The following SEC16B variants were observed in gnomAD, a reference collection of about 807,000 sequenced individuals.
SEC16B encodes the protein SEC16 homolog B, endoplasmic reticulum export factor.
In SEC16B, 115 loss-of-function variants were observed where a neutral mutation model predicts 141.8. That is an observed-to-expected ratio of 0.81 (90% confidence interval 0.70 to 0.95). The LOEUF is 0.95. Among genes scored for constraint, SEC16B ranks in the 40% least tolerant of loss-of-function variants. The pLI is 0.00. For synonymous variants in SEC16B, 493 were observed against 492.5 expected (o/e 1.00, Z -0.01); for missense variants, 1,291 against 1,312.3 (o/e 0.98, Z 0.25).
intron 25 of SEC16B, 81 bp from the exon 26 acceptor site, chr1:177,930,010 G>C: frequency 7.2e-7 from 1 of 1,397,634 alleles, no homozygotes; most frequent in East Asian, 2.4e-5. Context: ...GATGGAGCTA[G>C]GGCACCCTGA....
At chr1:177,948,295 G>A in intron 12 of SEC16B, 1 of 1,244,548 alleles carries the variant, frequency 8.0e-7, no homozygotes, top group South Asian at 1.4e-5. Flanking sequence ...AGGCTTCAGT[G>A]GGAGAAGGAA....
intron 3 of SEC16B, among the ~76,000 whole-genome samples, chr1:177,965,553 C>CTAT (rs1219494965): frequency 2.0e-5 from 3 of 152,192 alleles, no homozygotes; most frequent in African/African-American, 4.8e-5. Context: ...TACACTCTTA[C>CTAT]TATAGCCCAG....
chr1:177,972,879 G>T (rs1654018887), upstream of SEC16B, among the ~76,000 whole-genome samples: 1 of 152,102 alleles, frequency 6.6e-6, no homozygotes, highest in East Asian at 1.9e-4. Flanking sequence ...ACACAAGAGG[G>T]TTTGCTTCTC....
Position 177,960,211 on chromosome 1 carries a change from G to T in SEC16B, c.998+131C>A, listed in dbSNP as rs1242446520. Reference sequence around the variant, plus strand: ...ATCTGGTTCTATCTTGCAGCACAGAGAATTCCACTCCAACAAGGACAGATA... The same window carrying T: ...ATCTGGTTCTATCTTGCAGCACAGATAATTCCACTCCAACAAGGACAGATA... On this transcript the variant is annotated intron_variant, in intron 8 of 25. Transcript: ENST00000308284. The T allele has an allele frequency of 4.4e-6, 3 of 678,894 alleles. No individual in the cohort carries two copies. The African/African-American group carries it at 5.4e-5, about 12-fold the overall frequency. 42.1% of individuals were successfully genotyped at this position (678,894 alleles called of 1,614,324 possible). A position where few individuals can be genotyped will look rare whatever the true frequency, so the allele number is the denominator to read the frequency against.
intron 25 of SEC16B, among the ~76,000 whole-genome samples, 182 bp downstream of exon 25, chr1:177,930,363 C>T (rs1650326445): frequency 6.6e-6 from 1 of 152,166 alleles, no homozygotes; most frequent in Non-Finnish European, 1.5e-5. Flanking sequence ...CCTTCATATA[C>T]ATATCTCTGA....
At chr1:177,969,639 C>T (rs940953170) in intron 1 of SEC16B, among the ~76,000 whole-genome samples, 1 of 152,190 alleles carries the variant, frequency 6.6e-6, no homozygotes, top group Admixed American at 6.5e-5. Flanking sequence ...CCACTGAAAT[C>T]ACATCATTTT....
Position 177,944,778 on chromosome 1 carries a change from T to C in SEC16B, c.1776-112A>G, listed in dbSNP as rs1016650519. 17 of 819,358 alleles carry C rather than the reference T, an allele frequency of 2.1e-5. No individual in the cohort carries two copies. The African/African-American group carries it at 2.6e-4, about 12-fold the overall frequency. 50.8% of individuals were successfully genotyped at this position (819,358 alleles called of 1,614,324 possible). The stretch of plus-strand genomic sequence containing the variant: ...GCCTTTCATGGGGGAGTTTCCATCC[T>C]GGGCTGATGCCTGCGGCGGCTTCAA... On this transcript the variant is annotated intron_variant, in intron 14 of 25. Coordinates refer to ENST00000308284, the MANE Select transcript of SEC16B (RefSeq NM_033127.4).
chr1:177,981,797 A>T (rs936175062), intron 1 of SEC16B, among the ~76,000 whole-genome samples: 1 of 152,180 alleles, frequency 6.6e-6, no homozygotes, highest in Non-Finnish European at 1.5e-5. Flanking sequence ...TAGGCAGTAA[A>T]TATGAGTCAA....
At chr1:177,937,624 A>T (rs114554812) in intron 18 of SEC16B, 111 bp from the exon 19 acceptor site, 1 of 943,916 alleles carries the variant, frequency 1.1e-6, no homozygotes, top group Non-Finnish European at 1.5e-6. Context: ...AGTCACAAGG[A>T]CGAGCTGTCT....
chr1:177,945,420 T>C (rs970712557), intron 14 of SEC16B: 2 of 152,228 alleles, frequency 1.3e-5, no homozygotes, highest in Non-Finnish European at 2.9e-5. Context: ...TATTAGCCCA[T>C]ACACACTTAT....
chr1:177,930,758 A>T, intron 24 of SEC16B, 115 bp from the exon 25 acceptor site: 1 of 692,126 alleles, frequency 1.4e-6, no homozygotes, highest in Non-Finnish European at 2.5e-6. Flanking sequence ...GATTTCTTTA[A>T]GTTCCTTATC....
At chr1:177,934,157 A>T (rs927440661) in intron 20 of SEC16B, among the ~76,000 whole-genome samples, 2 of 151,952 alleles carry the variant, frequency 1.3e-5, no homozygotes, top group African/African-American at 4.8e-5. Context: ...TTGTGGTAAG[A>T]TAGATACAGG....
At chr1:177,970,278 C>T (rs755280994), upstream of SEC16B, 2 of 152,192 alleles carry the variant, frequency 1.3e-5, no homozygotes, top group Non-Finnish European at 1.5e-5. Flanking sequence ...CCTGGTCTGG[C>T]GAGAAAAGCA....
chr1:177,964,283 C>G lies in SEC16B; in HGVS notation c.534-4G>C. 6.2e-7 allele frequency: 1 copy of G among 1,607,906 alleles called. No homozygotes were observed. The highest frequency in any genetic ancestry group is 2.2e-5 in the East Asian group (1 of 44,642). ...ACAAGGGTTCCTACTGTTAGATCTGCAGCAAAATGACAGGAGCAGTGAGCG... is the reference window on the plus strand; with the variant it reads ...ACAAGGGTTCCTACTGTTAGATCTGGAGCAAAATGACAGGAGCAGTGAGCG... On this transcript the variant is annotated splice_region_variant and splice_polypyrimidine_tract_variant and intron_variant, in intron 4 of 25. Coordinates refer to ENST00000308284, the MANE Select transcript of SEC16B (RefSeq NM_033127.4).
At position 177,964,198 on chromosome 1, in the gene SEC16B, G is replaced by T; in HGVS notation, c.615C>A (p.Ser205Arg). The T allele has an allele frequency of 6.2e-7, 1 of 1,613,364 alleles. No homozygotes were observed. The highest frequency in any genetic ancestry group is 8.5e-7 in the Non-Finnish European group (1 of 1,179,544). Residue 205 changes from serine to arginine, a missense_variant, in exon 5 of 26, where the codon AGC (serine) becomes AGA (arginine). Physicochemically the swap from Ser to Arg is moderately radical, Grantham distance 110. Around this residue, in one of 3 missense-constraint regions of SEC16B, gnomAD observed 681 missense variants for 675.5 expected, o/e 1.01. Coordinates refer to ENST00000308284, the MANE Select transcript of SEC16B (RefSeq NM_033127.4). ...TATTTTTCTGGGCCTCAGCAAGCAG[G>T]CTCCCTGGAAACAGCTCCCCCGGCC... ...QEWPGELFPG[S>R]LLAEAQKNKP...
intron 9 of SEC16B, 103 bp downstream of exon 9, chr1:177,958,733 CTTCT>C (rs1271610235): frequency 1.2e-5 from 16 of 1,389,418 alleles, no homozygotes; most frequent in Non-Finnish European, 1.9e-6. Context: ...CAATTTGTGG[CTTCT>C]TTAATATTGC....
intron 14 of SEC16B, among the ~76,000 whole-genome samples, chr1:177,945,008 C>T (rs1357810278): frequency 1.3e-5 from 2 of 152,184 alleles, no homozygotes; most frequent in Non-Finnish European, 2.9e-5. Flanking sequence ...TACTCTTAGA[C>T]ACACAGAGAG....
chr1:177,967,905 C>T lies in SEC16B; in HGVS notation c.77G>A (p.Gly26Glu). 6.2e-7 allele frequency: 1 copy of T among 1,613,974 alleles called. No homozygotes were observed. The highest frequency in any genetic ancestry group is 8.5e-7 in the Non-Finnish European group (1 of 1,179,878). The change falls in exon 2 of 26, where the codon GGG (glycine) becomes GAG (glutamate). Residue 26 changes from glycine (G) to glutamate (E), a missense_variant. Gly to Glu is a moderately conservative substitution (Grantham distance 98). Coordinates refer to ENST00000308284, the MANE Select transcript of SEC16B (RefSeq NM_033127.4). ...ATAPSKDPDR[G>E]FRRDGHHRPV... ...CCGATGATGTCCATCTCTCCGAAAC[C>T]CTCGGTCTGGATCCTTTGAGGGTGC...
At chr1:177,956,740 A>G (rs1244722870) in intron 10 of SEC16B, among the ~76,000 whole-genome samples, 1 of 152,198 alleles carries the variant, frequency 6.6e-6, no homozygotes, top group Non-Finnish European at 1.5e-5. Context: ...TGAAATCAAT[A>G]CACATTCGGT....
Sources: allele counts gnomAD v4.1 joint callset (sites outside exome capture counted in the v4.1 genomes callset), GRCh38; gene constraint gnomAD v4.1.1; regional missense constraint gnomAD v4.1.1; transcripts MANE v1.5; gene names NCBI Gene and HGNC (gene_info 2026-07-23, HGNC 2026-07-21).